ZNF7: variants seen among roughly 807,000 people sequenced by gnomAD.
ZNF7 encodes C2-H2 type zinc finger protein.
A neutral mutation model predicts 12.0 loss-of-function variants in ZNF7; 10 were observed. The ratio of observed to expected loss-of-function variants is 0.83; its 90% CI spans 0.51 to 1.42. The LOEUF (loss-of-function observed/expected upper bound fraction) is 1.42. Among genes scored for constraint, ZNF7 ranks in the 40% most tolerant of loss-of-function variants. The probability of loss-of-function intolerance (pLI) is 0.00; values close to 1 mark genes in which losing one functional copy is unlikely to be tolerated. For synonymous variants in ZNF7, 334 were observed against 295.0 expected (o/e 1.13, Z -1.35); for missense variants, 854 against 837.2 (o/e 1.02, Z -0.25).
chr8:144,829,372 G>A (rs1426095179), intron 2 of ZNF7, 106 bp from the exon 3 acceptor site: 16 of 1,570,920 alleles, frequency 1.0e-5, no homozygotes, highest in African/African-American at 5.4e-5. Context: ...CCTGGTGAGC[G>A]TCTCGCCCAA....
In ZNF7 at chr8:144,843,160, A is replaced by AATTTATATGTAAG; in HGVS notation, c.2053_2054insATTTATATGTAAG (p.Met685AsnfsTer19). 6.3e-7 allele frequency: 1 copy of AATTTATATGTAAG among 1,587,054 alleles called. No individual in the cohort carries two copies. The highest frequency in any genetic ancestry group is 8.6e-7 in the Non-Finnish European group (1 of 1,169,094). On this transcript the variant is annotated frameshift_variant, in exon 5 of 5. Transcript: ENST00000532777. LOFTEE classifies it high-confidence loss of function. ...GCTTACCCAGCATCAAAAAATTCAC[A>AATTTATATGTAAG]TGGGATAGACCACTTACATATAAAT...
At chr8:144,833,220 A>G (rs536093168) in intron 3 of ZNF7, among the ~76,000 whole-genome samples, 5 of 147,268 alleles carry the variant, frequency 3.4e-5, no homozygotes, top group African/African-American at 4.9e-5. Flanking sequence ...AAAAAAGACT[A>G]TCTCCTTTTC....
At chr8:144,843,933 C>A (rs1349376822), downstream of ZNF7, among the ~76,000 whole-genome samples, 3 of 152,180 alleles carry the variant, frequency 2.0e-5, no homozygotes, top group African/African-American at 7.2e-5. Flanking sequence ...AGAACTTAAC[C>A]CAGCCACCCA....
At chr8:144,841,055 C>T in intron 4 of ZNF7, 1 of 324,942 alleles carries the variant, frequency 3.1e-6, no homozygotes, top group Non-Finnish European at 5.7e-6. Context: ...GTCTCCTTTG[C>T]CTCTGCATGG....
intron 4 of ZNF7, chr8:144,841,040 G>C (rs1586831899): frequency 3.5e-6 from 1 of 286,340 alleles, no homozygotes; most frequent in East Asian, 6.7e-5. Flanking sequence ...TTCTGGTCTT[G>C]CTTTGTCTCC....
At chr8:144,839,958 A>AGAT (rs1275115810) in intron 4 of ZNF7, among the ~76,000 whole-genome samples, 1 of 151,998 alleles carries the variant, frequency 6.6e-6, no homozygotes, top group Non-Finnish European at 1.5e-5. Context: ...TTATTTTTTG[A>AGAT]GATGGAGTCT....
chr8:144,834,717 A>G (rs944494104), intron 3 of ZNF7: 2 of 149,680 alleles, frequency 1.3e-5, no homozygotes, highest in Non-Finnish European at 3.0e-5. Context: ...TGAAATGGAT[A>G]TATATATATA....
downstream of ZNF7, chr8:144,846,654 G>A (rs533642157): frequency 2.6e-5 from 4 of 156,352 alleles, no homozygotes; most frequent in African/African-American, 9.6e-5. Flanking sequence ...TAAACCTAAA[G>A]TCCAACAATC....
chr8:144,829,946 G>C (rs1241295479), intron 3 of ZNF7: 1 of 177,752 alleles, frequency 5.6e-6, no homozygotes, highest in African/African-American at 2.4e-5. Flanking sequence ...CAACGAGCAA[G>C]AGGTGGCAGC....
chr8:144,838,201 G>A (rs779720009), intron 4 of ZNF7: 43 of 698,448 alleles, frequency 6.2e-5, no homozygotes, highest in South Asian at 2.8e-4. Context: ...TTCTCCCTGC[G>A]TGTCTGTGTT....
chr8:144,831,971 T>C lies in ZNF7; in HGVS notation c.130+2367T>C, dbSNP rs1303465710. Among the ~76,000 whole-genome samples, 2 of 100,742 alleles carry C rather than the reference T, an allele frequency of 2.0e-5. 1 individual carries two copies. The highest frequency in any genetic ancestry group is 5.0e-5 in the Non-Finnish European group (2 of 40,144). 66.1% of individuals were successfully genotyped at this position (100,742 alleles called of 152,430 possible). On this transcript the variant is annotated intron_variant, in intron 3 of 4. Transcript: ENST00000532777. ...TCAAGGTTGGAGTCAGCTATGATTG[T>C]GCCACTGCAGTCCAGCCTAGGCAAC...
At chr8:144,836,588 G>A (rs1278592732) in intron 3 of ZNF7, 1 of 152,278 alleles carries the variant, frequency 6.6e-6, no homozygotes, top group African/African-American at 2.4e-5. Flanking sequence ...CATGTACTTG[G>A]AGAGGATATG....
At chr8:144,830,612 C>T (rs989354449) in intron 3 of ZNF7, among the ~76,000 whole-genome samples, 4 of 152,154 alleles carry the variant, frequency 2.6e-5, no homozygotes, top group South Asian at 2.1e-4. Context: ...ACTGATTACA[C>T]GCATTTTTTA....
chr8:144,843,206 C>G lies in ZNF7; in HGVS notation c.*38C>G. ...TAAATGTGTATATATGTGAATAAAC[C>G]TATAGCCTTAACTTACTTATTTTAT... is the stretch of plus-strand genomic sequence containing the variant. On this transcript the variant is annotated 3_prime_UTR_variant, in exon 5 of 5. Transcript: ENST00000532777. The G allele has an allele frequency of 6.6e-7, 1 of 1,522,682 alleles. No homozygotes were observed. Among genetic ancestry groups the G allele is most frequent in the Non-Finnish European group, 8.8e-7 (1 of 1,138,072 alleles). The allele number at this position is 1,522,682 out of a possible 1,614,324, so 94.3% of individuals were successfully genotyped here.
intron 3 of ZNF7, chr8:144,834,113 C>G (rs1332505482): frequency 6.6e-6 from 1 of 152,162 alleles, no homozygotes. Context: ...TTCCTAAAAG[C>G]CACTGGAATT....
At chr8:144,836,936 A>C (rs981171170) in intron 3 of ZNF7, 2 of 152,752 alleles carry the variant, frequency 1.3e-5, no homozygotes, top group African/African-American at 4.8e-5. Flanking sequence ...TGGACCTTGG[A>C]GCTTTCTGAT....
intron 4 of ZNF7, chr8:144,841,033 T>G (rs2242650): frequency 3.4e-5 from 9 of 263,258 alleles, no homozygotes; most frequent in Non-Finnish European, 5.7e-5. Context: ...CCCACCCTTC[T>G]GGTCTTGCTT....
rs1457118274 is a variant in ZNF7, at chr8:144,832,184, C to T, written c.130+2580C>T. Reference sequence around the variant, plus strand: ...ATCCCAGCGCTTTGGGAGGCCAAGGCGGGCGGATTGCCTCAAATCAGGAGT... The same window carrying T: ...ATCCCAGCGCTTTGGGAGGCCAAGGTGGGCGGATTGCCTCAAATCAGGAGT... On this transcript the variant is annotated intron_variant, in intron 3 of 4. Coordinates refer to ENST00000532777, the MANE Select transcript of ZNF7 (RefSeq NM_003416.4). 5.1e-5 allele frequency among the ~76,000 whole-genome samples: 5 copies of T among 98,452 alleles called. 2 individuals carry two copies. The highest frequency in any genetic ancestry group is 8.9e-5 in the African/African-American group (3 of 33,562). The allele number at this position is 98,452 out of a possible 152,430, so 64.6% of individuals were successfully genotyped here.
Position 144,827,596 on chromosome 8 carries a change from G to C in ZNF7, c.-59G>C. 1.1e-5 allele frequency: 11 copies of C among 985,634 alleles called. No homozygotes were observed. Among genetic ancestry groups the C allele is most frequent in the Non-Finnish European group, 1.3e-5 (11 of 830,112 alleles). 61.1% of individuals were successfully genotyped at this position (985,634 alleles called of 1,614,324 possible). A position where few individuals can be genotyped will look rare whatever the true frequency, so the allele number is the denominator to read the frequency against. On this transcript the variant is annotated 5_prime_UTR_variant, in exon 1 of 5. Transcript: ENST00000532777. ...CGTCGCGCGTTTGCGAGCCTCGGGT[G>C]GTCCTCAGGGAGGGTGAGTCGGCGC...
Sources: allele counts gnomAD v4.1 joint callset (sites outside exome capture counted in the v4.1 genomes callset), GRCh38; gene constraint gnomAD v4.1.1; transcripts MANE v1.5; gene names NCBI Gene and HGNC (gene_info 2026-07-23, HGNC 2026-07-21).